The following BEND6 variants were observed in gnomAD, a reference collection of about 807,000 sequenced individuals.
The protein encoded by BEND6 is BEN domain containing 6, also known as BEN domain-containing protein 6.
In BEND6, 24 loss-of-function variants were observed where a neutral mutation model predicts 31.8. That is an observed-to-expected ratio of 0.75 (90% confidence interval 0.55 to 1.06). The LOEUF (loss-of-function observed/expected upper bound fraction) is 1.06. Ranked by LOEUF, BEND6 falls within the 50% of genes least tolerant of loss-of-function variation. BEND6 has a pLI of 0.00. For missense variants in BEND6, 294 were observed against 327.4 expected (o/e 0.90, Z 0.79); for synonymous variants, 109 against 114.6 (o/e 0.95, Z 0.31).
At chr6:57,013,762 C>G (rs2127889009) in intron 3 of BEND6, 1 of 152,428 alleles carries the variant, frequency 6.6e-6, no homozygotes, top group South Asian at 2.1e-4. Context: ...TCTTGCTACA[C>G]AGCCTGGTTT....
At chr6:56,955,703 C>G (rs1231841629) in intron 1 of BEND6, among the ~76,000 whole-genome samples, 2 of 152,174 alleles carry the variant, frequency 1.3e-5, no homozygotes, top group Non-Finnish European at 2.9e-5. Flanking sequence ...CTGGGTTTGC[C>G]CTAAAACCCT....
At chr6:57,025,917 G>T (rs76666660) in intron 6 of BEND6, among the ~76,000 whole-genome samples, 165 bp from the exon 7 acceptor site, 1,593 of 152,128 alleles carry the variant, frequency 0.01, 28 homozygotes, top group African/African-American at 0.036. Context: ...AGGGAGTGAA[G>T]CCAGCTTGCT....
intron 3 of BEND6, among the ~76,000 whole-genome samples, chr6:57,001,428 G>A (rs369471633): frequency 2.0e-4 from 30 of 152,252 alleles, no homozygotes; most frequent in African/African-American, 7.0e-4. Flanking sequence ...TTCTCAAAGT[G>A]CTGGGATTAC....
At chr6:56,968,183 A>C (rs912234395) in intron 1 of BEND6, among the ~76,000 whole-genome samples, 2 of 152,142 alleles carry the variant, frequency 1.3e-5, no homozygotes, top group African/African-American at 4.8e-5. Context: ...CAGTGAAAGT[A>C]CATCCACAAA....
chr6:56,981,608 A>G (rs1001635014), intron 1 of BEND6, 103 bp from the exon 2 acceptor site: 2 of 435,984 alleles, frequency 4.6e-6, no homozygotes, highest in Non-Finnish European at 8.1e-6. Context: ...GGAAGAAAGA[A>G]TAGGAAACAT....
rs546241637 is a variant in BEND6, at chr6:57,015,215, A to G, written c.381A>G (p.Thr127=). Residue 127 remains threonine, a synonymous_variant, in exon 4 of 7, where the codon ACA becomes ACG. Transcript: ENST00000370746. ...TTAAGGGTGGGGGAACCATGTCTACATCTGCATCCACCCTCTGGAGAGCAA... is the reference window on the plus strand; with the variant it reads ...TTAAGGGTGGGGGAACCATGTCTACGTCTGCATCCACCCTCTGGAGAGCAA... ...ALLKGGGTMS[T]SASTLWRATN... 1 of 1,614,178 alleles carries G rather than the reference A, an allele frequency of 6.2e-7. No individual in the cohort carries two copies. The highest frequency in any genetic ancestry group is 8.5e-7 in the Non-Finnish European group (1 of 1,180,024).
intron 1 of BEND6, among the ~76,000 whole-genome samples, chr6:56,964,688 A>G (rs1427985209): frequency 2.0e-5 from 3 of 152,094 alleles, no homozygotes; most frequent in Admixed American, 2.0e-4. Flanking sequence ...TTTTTAGTAG[A>G]CGAAGTCTCA....
At chr6:56,987,290 A>AT (rs780004936) in intron 2 of BEND6, among the ~76,000 whole-genome samples, 1 of 151,980 alleles carries the variant, frequency 6.6e-6, no homozygotes, top group Non-Finnish European at 1.5e-5. Flanking sequence ...AGCTGTTTAT[A>AT]TTTCATTAGT....
At chr6:57,015,461 A>G in intron 4 of BEND6, 108 bp downstream of exon 4, 2 of 1,078,612 alleles carry the variant, frequency 1.9e-6, no homozygotes, top group South Asian at 3.2e-5. Context: ...TGGATAAAAT[A>G]GTTTTATTCA....
intron 2 of BEND6, among the ~76,000 whole-genome samples, chr6:56,984,819 A>G (rs2127855530): frequency 6.6e-6 from 1 of 152,338 alleles, no homozygotes; most frequent in East Asian, 1.9e-4. Context: ...GAAGCTTACC[A>G]CTGGGCTGGA....
chr6:56,973,324 AG>A (rs1279315683), intron 1 of BEND6, among the ~76,000 whole-genome samples: 1 of 152,194 alleles, frequency 6.6e-6, no homozygotes, highest in Non-Finnish European at 1.5e-5. Flanking sequence ...AGGACCTTAG[AG>A]GGTGCATACT....
chr6:56,961,602 G>A (rs2127837589), intron 1 of BEND6, among the ~76,000 whole-genome samples: 1 of 152,306 alleles, frequency 6.6e-6, no homozygotes, highest in South Asian at 2.1e-4. Flanking sequence ...GAATGGATAA[G>A]CCCATTCCAA....
In BEND6 at chr6:57,004,418, A is replaced by T. The variant is rs1593013238; in HGVS notation, c.299-10715A>T. 1.4e-5 allele frequency: 8 copies of T among 561,450 alleles called. No individual in the cohort carries two copies. In the East Asian group the frequency reaches 2.9e-4, roughly 20 times the overall value. 34.8% of individuals were successfully genotyped at this position (561,450 alleles called of 1,614,324 possible). ...AGTGCTTGGACAGAACCCAGCCCTCATCCCCCCACCCCAGCTGGCTGCCCA... is the reference window on the plus strand; with the variant it reads ...AGTGCTTGGACAGAACCCAGCCCTCTTCCCCCCACCCCAGCTGGCTGCCCA... On this transcript the variant is annotated intron_variant, in intron 3 of 6. Transcript: ENST00000370746.
At chr6:56,978,763 A>C (rs1420582280) in intron 1 of BEND6, among the ~76,000 whole-genome samples, 1 of 152,188 alleles carries the variant, frequency 6.6e-6, no homozygotes, top group Non-Finnish European at 1.5e-5. Context: ...ACTGGAGCGA[A>C]GATTGAAATT....
At chr6:57,016,505 G>A (rs1827564160) in intron 4 of BEND6, among the ~76,000 whole-genome samples, 1 of 152,104 alleles carries the variant, frequency 6.6e-6, no homozygotes, top group Non-Finnish European at 1.5e-5. Flanking sequence ...TCATTTTCTT[G>A]TGGTTGTAAA....
intron 6 of BEND6, among the ~76,000 whole-genome samples, 184 bp downstream of exon 6, chr6:57,018,741 G>C (rs779485960): frequency 1.3e-5 from 2 of 152,128 alleles, no homozygotes; most frequent in Non-Finnish European, 2.9e-5. Context: ...GAAAATGCTG[G>C]GTTCAGTTTT....
At chr6:56,960,877 A>G (rs1373132106) in intron 1 of BEND6, among the ~76,000 whole-genome samples, 1 of 152,246 alleles carries the variant, frequency 6.6e-6, no homozygotes, top group East Asian at 1.9e-4. Context: ...CAAATACTTT[A>G]TGGAGTAAAA....
intron 3 of BEND6, chr6:57,010,640 T>A: frequency 2.2e-6 from 2 of 922,020 alleles, no homozygotes; most frequent in Non-Finnish European, 2.6e-6. Flanking sequence ...TGAATTGAAA[T>A]GGGAGAATTT....
intron 3 of BEND6, among the ~76,000 whole-genome samples, chr6:57,000,790 A>G (rs1462188462): frequency 3.3e-5 from 5 of 150,368 alleles, no homozygotes; most frequent in Non-Finnish European, 7.4e-5. Context: ...TTTCTGTGCT[A>G]GTTTTGGGAT....
Sources: gnomAD v4.1 joint callset for allele counts (sites outside exome capture counted in the v4.1 genomes callset) on GRCh38, gnomAD v4.1.1 for gene constraint, MANE v1.5 for transcripts, NCBI Gene and HGNC (gene_info 2026-07-23, HGNC 2026-07-21) for gene names.